Variants in AQP9 observed in about 807,000 individuals in gnomAD.
AQP9 encodes the protein aquaporin-9.
A neutral mutation model predicts 23.8 loss-of-function variants in AQP9; 19 were observed. That is an observed-to-expected ratio of 0.80 (90% CI 0.56 to 1.17). AQP9 has a LOEUF of 1.17. AQP9 is among the 50% of genes most tolerant of loss of function. The pLI is 0.00. For missense variants in AQP9, 413 were observed against 362.0 expected, an observed-to-expected ratio of 1.14 and a Z score of -1.14; for synonymous variants, 153 against 131.5, an observed-to-expected ratio of 1.16 and a Z score of -1.12.
chr15:58,178,980 C>A, intron 4 of AQP9, 148 bp from the exon 5 acceptor site: 1 of 588,066 alleles, frequency 1.7e-6, no homozygotes, highest in Non-Finnish European at 3.0e-6. Flanking sequence ...ATTATTCACC[C>A]AGTACATGCC....
At chr15:58,152,570 T>G (rs1478055228) in intron 1 of AQP9, 2 of 152,176 alleles carry the variant, frequency 1.3e-5, no homozygotes. Flanking sequence ...CTGAAACTTC[T>G]TATCTACTGA....
At chr15:58,175,200 C>A (rs1399273784) in intron 4 of AQP9, among the ~76,000 whole-genome samples, 164 bp downstream of exon 4, 1 of 152,204 alleles carries the variant, frequency 6.6e-6, no homozygotes, top group Admixed American at 6.5e-5. Context: ...TTTACCTTTA[C>A]AAGGAGCTGA....
Position 58,175,005 on chromosome 15 carries a change from A to G in AQP9, c.464A>G (p.Tyr155Cys). 4.3e-6 allele frequency: 7 copies of G among 1,614,168 alleles called. No homozygotes were observed. Among genetic ancestry groups the G allele is most frequent in the Non-Finnish European group, 5.9e-6 (7 of 1,179,958 alleles). ...AHIFATYPAP[Y>C]LSLANAFADQ... is the part of the protein sequence containing the mutation. The stretch of plus-strand genomic sequence containing the variant: ...ATTTTTGCAACATACCCAGCTCCGT[A>G]TCTATCTCTGGCGAACGCATTTGCA... The change falls in exon 4 of 6, where the codon TAT (tyrosine) becomes TGT (cysteine). Residue 155 changes from tyrosine (Y) to cysteine (C), a missense_variant. Transcript: ENST00000219919.
At chr15:58,172,357 A>T (rs1443987612) in intron 2 of AQP9, among the ~76,000 whole-genome samples, 1 of 152,090 alleles carries the variant, frequency 6.6e-6, no homozygotes, top group East Asian at 1.9e-4. Context: ...CCAGCTGGGG[A>T]TGTTAGAGAC....
At chr15:58,181,401 A>G (rs1266734924) in intron 5 of AQP9, among the ~76,000 whole-genome samples, 2 of 152,228 alleles carry the variant, frequency 1.3e-5, no homozygotes, top group African/African-American at 4.8e-5. Flanking sequence ...AAGTGCCATT[A>G]AAGAGATTTG....
rs780641227 is a variant in AQP9, at chr15:58,166,639, C to G, written c.112-34C>G. On this transcript the variant is annotated intron_variant, in intron 1 of 5. Transcript: ENST00000219919. ...TCCATTACTTTTGACAGTAGCCATC[C>G]CCACTTACCTGTTGAGTTTTCCTCT... 5 of 1,569,906 alleles carry G rather than the reference C, an allele frequency of 3.2e-6. No individual in the cohort carries two copies. In the African/African-American group the frequency reaches 6.9e-5, roughly 22 times the overall value.
rs184515499 is a variant in AQP9, at chr15:58,152,152, C to T, written c.111+13476C>T. 38 of 152,200 alleles carry T rather than the reference C, an allele frequency of 2.5e-4. 1 individual carries two copies. Among genetic ancestry groups the T allele is most frequent in the Admixed American group, 3.9e-4 (6 of 15,282 alleles). 9.4% of individuals were successfully genotyped at this position (152,200 alleles called of 1,614,324 possible). A position where few individuals can be genotyped will look rare whatever the true frequency, so the allele number is the denominator to read the frequency against. On this transcript the variant is annotated intron_variant, in intron 1 of 5. Coordinates refer to ENST00000219919, the MANE Select transcript of AQP9 (RefSeq NM_020980.5). ...TTCAAACTACGAGCGAGTCCATAGC[C>T]GAATTATATTACTTATCTGAGGCCT... is the stretch of plus-strand genomic sequence containing the variant.
rs74016584 is a variant in AQP9, at chr15:58,182,064, C to T, written c.714-1897C>T. ...TGAACGGCAAGCAGTGGAATGATGG[C>T]AGGTACAGCGAGATGCCAGAGGGTT... On this transcript the variant is annotated intron_variant, in intron 5 of 5. Coordinates refer to ENST00000219919, the MANE Select transcript of AQP9 (RefSeq NM_020980.5). Among the ~76,000 whole-genome samples, 1,500 of 152,198 alleles carry T rather than the reference C, an allele frequency of 9.9e-3. 19 individuals are homozygous for T. The highest frequency in any genetic ancestry group is 0.035 in the African/African-American group (1,433 of 41,520).
Position 58,166,689 on chromosome 15 carries a change from G to C in AQP9, c.128G>C (p.Cys43Ser). 6.2e-7 allele frequency: 1 copy of C among 1,611,004 alleles called. No individual in the cohort carries two copies. The highest frequency in any genetic ancestry group is 8.5e-7 in the Non-Finnish European group (1 of 1,178,414). ...TFILIVLGCGCVAQAILSRGR... is the reference protein window; with the variant it reads ...TFILIVLGCGSVAQAILSRGR... ...TCATTCCAGGTCCTTGGATGTGGCT[G>C]TGTTGCCCAAGCTATTCTCAGTCGA... The change falls in exon 2 of 6, where the codon TGT becomes TCT. Residue 43 changes from cysteine (C) to serine (S), a missense_variant. Physicochemically the swap from Cys to Ser is moderately radical, Grantham distance 112. Transcript: ENST00000219919.
chr15:58,150,874 A>G (rs1290095498), intron 1 of AQP9: 1 of 152,182 alleles, frequency 6.6e-6, no homozygotes, highest in African/African-American at 2.4e-5. Flanking sequence ...ACAACCTGAC[A>G]CTAATAATCA....
intron 5 of AQP9, among the ~76,000 whole-genome samples, chr15:58,182,596 A>T (rs530337593): frequency 6.3e-4 from 96 of 152,310 alleles, no homozygotes; most frequent in African/African-American, 2.2e-3. Context: ...AGAAGACTTC[A>T]AGTCTTTACA....
At chr15:58,140,059 C>T (rs1241433640) in intron 1 of AQP9, among the ~76,000 whole-genome samples, 1 of 152,196 alleles carries the variant, frequency 6.6e-6, no homozygotes, top group African/African-American at 2.4e-5. Context: ...TGTTACTTGA[C>T]AATCTGGCCC....
At chr15:58,143,883 T>C (rs1179737463) in intron 1 of AQP9, among the ~76,000 whole-genome samples, 1 of 152,212 alleles carries the variant, frequency 6.6e-6, no homozygotes, top group African/African-American at 2.4e-5. Flanking sequence ...TCCTAGGGTA[T>C]GTGCATCCTC....
chr15:58,180,548 G>T (rs2140635263), intron 5 of AQP9, among the ~76,000 whole-genome samples: 1 of 152,272 alleles, frequency 6.6e-6, no homozygotes, highest in South Asian at 2.1e-4. Context: ...ATAAAAGAAT[G>T]AATGAATTCT....
chr15:58,178,284 A>G (rs1595746303), intron 4 of AQP9, among the ~76,000 whole-genome samples: 1 of 152,230 alleles, frequency 6.6e-6, no homozygotes, highest in Admixed American at 6.5e-5. Context: ...ACTTAATGTT[A>G]TAAGTATTTT....
At chr15:58,141,105 C>G (rs1455681280) in intron 1 of AQP9, among the ~76,000 whole-genome samples, 1 of 152,214 alleles carries the variant, frequency 6.6e-6, no homozygotes, top group African/African-American at 2.4e-5. Context: ...GGCCTTTCAC[C>G]TTTACTAGTG....
intron 4 of AQP9, among the ~76,000 whole-genome samples, chr15:58,178,055 T>A (rs918168380): frequency 1.3e-5 from 2 of 152,204 alleles, no homozygotes; most frequent in African/African-American, 4.8e-5. Context: ...TCACATTATA[T>A]CAGATATTAT....
intron 1 of AQP9, among the ~76,000 whole-genome samples, chr15:58,156,497 A>C (rs1452189996): frequency 2.0e-5 from 3 of 152,178 alleles, no homozygotes; most frequent in Non-Finnish European, 2.9e-5. Flanking sequence ...AATCCTTAAC[A>C]TTACATAGTA....
At chr15:58,182,049 G>T (rs188452731) in intron 5 of AQP9, among the ~76,000 whole-genome samples, 4 of 152,256 alleles carry the variant, frequency 2.6e-5, no homozygotes, top group African/African-American at 9.6e-5. Context: ...TGAACGGCAA[G>T]CAGTGGAATG....
Sources: gnomAD v4.1 joint callset for allele counts (sites outside exome capture counted in the v4.1 genomes callset) on GRCh38, gnomAD v4.1.1 for gene constraint, MANE v1.5 for transcripts, NCBI Gene and HGNC (gene_info 2026-07-23, HGNC 2026-07-21) for gene names.